TOP1MT: variants seen among roughly 807,000 people sequenced by gnomAD.
TOP1MT encodes the protein DNA topoisomerase I mitochondrial.
In TOP1MT, 80 loss-of-function variants were observed where a neutral mutation model predicts 73.9. The observed-to-expected ratio is 1.08, with a 90% CI of 0.90 to 1.30. The LOEUF (loss-of-function observed/expected upper bound fraction) is 1.30. Among genes scored for constraint, TOP1MT ranks in the 50% most tolerant of loss-of-function variants. TOP1MT has a pLI of 0.00. For missense variants in TOP1MT, 815 were observed against 808.0 expected (o/e 1.01, Z -0.10); for synonymous variants, 338 against 326.4 (o/e 1.04, Z -0.38).
Position 143,342,638 on chromosome 8 carries a change from G to A in TOP1MT, c.29+582C>T, listed in dbSNP as rs1315339225. ...TATTATTATTATTAGAGACAGTCTCGCTCTATTATTATTATTATTATTAGA... is the reference window on the plus strand; with the variant it reads ...TATTATTATTATTAGAGACAGTCTCACTCTATTATTATTATTATTATTAGA... On this transcript the variant is annotated intron_variant, in intron 2 of 5. Transcript: ENST00000518007. Among the ~76,000 whole-genome samples, 3 of 25,560 alleles carry A rather than the reference G, an allele frequency of 1.2e-4. 1 individual carries two copies. Among genetic ancestry groups the A allele is most frequent in the Non-Finnish European group, 1.9e-4 (3 of 15,484 alleles). The allele number at this position is 25,560 out of a possible 152,430, so 16.8% of individuals were successfully genotyped here.
intron 2 of TOP1MT, among the ~76,000 whole-genome samples, chr8:143,342,295 G>GTTA (rs1171635775): frequency 5.1e-4 from 55 of 107,628 alleles, no homozygotes; most frequent in African/African-American, 2.4e-3. Flanking sequence ...GAGTCTCGCT[G>GTTA]TTATTATTAT....
chr8:143,342,894 C>T (rs557636782), intron 2 of TOP1MT, among the ~76,000 whole-genome samples: 3 of 151,600 alleles, frequency 2.0e-5, no homozygotes, highest in Non-Finnish European at 4.4e-5. Flanking sequence ...AAGCGATTCT[C>T]CTGCCTCAGC....
intron 2 of TOP1MT, among the ~76,000 whole-genome samples, chr8:143,330,776 G>A (rs75575097): frequency 0.057 from 8,650 of 152,252 alleles, 835 homozygotes; most frequent in African/African-American, 0.2. Context: ...CAGAGCCCCC[G>A]GGTCCTGCCT....
chr8:143,347,572 C>G (rs956049928), upstream of TOP1MT, among the ~76,000 whole-genome samples: 2 of 152,226 alleles, frequency 1.3e-5, no homozygotes, highest in African/African-American at 2.4e-5. Context: ...GAATTATAGG[C>G]GTGCCTGGCC....
intron 1 of TOP1MT, among the ~76,000 whole-genome samples, chr8:143,355,100 CG>C (rs1235122014): frequency 6.6e-6 from 1 of 152,164 alleles, no homozygotes; most frequent in African/African-American, 2.4e-5. Flanking sequence ...AGCTCACAGC[CG>C]GGATGGCAGG....
chr8:143,328,711 G>C (rs544506090), intron 3 of TOP1MT, among the ~76,000 whole-genome samples: 1 of 152,340 alleles, frequency 6.6e-6, no homozygotes, highest in South Asian at 2.1e-4. Context: ...AAACACCCAC[G>C]AATAGGGAAA....
At chr8:143,320,818 C>T (rs777396450) in intron 8 of TOP1MT, among the ~76,000 whole-genome samples, 3 of 152,276 alleles carry the variant, frequency 2.0e-5, no homozygotes, top group African/African-American at 7.2e-5. Context: ...CGAGTGTGGG[C>T]GGGATGTGGC....
intron 1 of TOP1MT, among the ~76,000 whole-genome samples, chr8:143,352,402 A>AGG (rs1341142854): frequency 2.6e-5 from 4 of 152,170 alleles, no homozygotes; most frequent in African/African-American, 9.7e-5. Flanking sequence ...TGGGCAACTG[A>AGG]TTTCAACAAG....
intron 8 of TOP1MT, among the ~76,000 whole-genome samples, chr8:143,320,571 C>A (rs529415857): frequency 3.2e-4 from 48 of 152,232 alleles, no homozygotes; most frequent in Non-Finnish European, 1.6e-4. Flanking sequence ...CTGGCCAGAA[C>A]GTGACCTTAT....
chr8:143,347,735 G>A (rs1255917684), upstream of TOP1MT, among the ~76,000 whole-genome samples: 1 of 151,800 alleles, frequency 6.6e-6, no homozygotes, highest in Non-Finnish European at 1.5e-5. Flanking sequence ...CAGCCAGCGG[G>A]GAAGAGTTGA....
Position 143,314,372 on chromosome 8 carries a change from A to G in TOP1MT, c.1553+1355T>C, listed in dbSNP as rs1816094611. 2.0e-5 allele frequency among the ~76,000 whole-genome samples: 3 copies of G among 152,224 alleles called. No individual in the cohort carries two copies. In the South Asian group the frequency reaches 6.2e-4, roughly 32 times the overall value. ...CAGCACTTTGAGATGCCAAGGCAGG[A>G]GGATCACTTGAGGCCAGGAGTTTGA... On this transcript the variant is annotated intron_variant, in intron 12 of 13. Coordinates refer to ENST00000329245, the MANE Select transcript of TOP1MT (RefSeq NM_052963.3).
chr8:143,314,035 G>A (rs375906441), intron 12 of TOP1MT, among the ~76,000 whole-genome samples: 3 of 152,020 alleles, frequency 2.0e-5, no homozygotes, highest in Admixed American at 6.6e-5. Context: ...GAGCACCCAC[G>A]GCCAGACGCT....
intron 5 of TOP1MT, 88 bp from the exon 6 acceptor site, chr8:143,324,717 C>CGTGGTGGCTATG (rs1236049843): frequency 6.7e-7 from 1 of 1,493,378 alleles, no homozygotes; most frequent in East Asian, 2.3e-5. Context: ...AACCGTCCCA[C>CGTGGTGGCTATG]GTGGTGGCTA....
At chr8:143,329,616 A>T in intron 2 of TOP1MT, 145 bp from the exon 3 acceptor site, 1 of 959,948 alleles carries the variant, frequency 1.0e-6, no homozygotes. Flanking sequence ...GTTCAGAAGC[A>T]TGTTCTGCAT....
chr8:143,342,283 CAG>C (rs1232796432), intron 2 of TOP1MT, among the ~76,000 whole-genome samples: 1 of 131,590 alleles, frequency 7.6e-6, no homozygotes, highest in African/African-American at 3.5e-5. Flanking sequence ...TTATTAGAGA[CAG>C]AGTCTCGCTG....
At chr8:143,318,446 C>T (rs1352058865) in intron 8 of TOP1MT, among the ~76,000 whole-genome samples, 1 of 152,250 alleles carries the variant, frequency 6.6e-6, no homozygotes, top group Non-Finnish European at 1.5e-5. Context: ...TCTGACATCA[C>T]AGGACCTCAG....
intron 7 of TOP1MT, among the ~76,000 whole-genome samples, chr8:143,321,929 A>T (rs1267054821): frequency 2.7e-5 from 2 of 74,168 alleles, no homozygotes; most frequent in African/African-American, 4.7e-5. Context: ...ACACACATGC[A>T]CGCCACACAC....
At chr8:143,351,849 C>A (rs770883003) in intron 1 of TOP1MT, among the ~76,000 whole-genome samples, 4 of 152,092 alleles carry the variant, frequency 2.6e-5, no homozygotes, top group Non-Finnish European at 5.9e-5. Context: ...TTCGGGAGGC[C>A]GAGGCGGGTG....
intron 13 of TOP1MT, 139 bp downstream of exon 13, chr8:143,309,929 G>A (rs774560437): frequency 6.3e-7 from 1 of 1,593,750 alleles, no homozygotes; most frequent in South Asian, 1.1e-5. Context: ...CAGCATCATG[G>A]GTCCCTGTCA....
Sources: gnomAD v4.1 joint callset for allele counts (sites outside exome capture counted in the v4.1 genomes callset) on GRCh38, gnomAD v4.1.1 for gene constraint, MANE v1.5 for transcripts, NCBI Gene and HGNC (gene_info 2026-07-23, HGNC 2026-07-21) for gene names.